IPCEF1: variants seen among roughly 807,000 people sequenced by gnomAD.
The protein encoded by IPCEF1 is interactor protein for cytohesin exchange factors 1.
A neutral mutation model predicts 50.9 loss-of-function variants in IPCEF1; 31 were observed. The ratio of observed to expected loss-of-function variants is 0.61; its 90% CI spans 0.46 to 0.82. The LOEUF is 0.82. Ranked by LOEUF, IPCEF1 falls within the 40% of genes least tolerant of loss-of-function variation. The pLI is 0.00. For synonymous variants in IPCEF1, 181 were observed against 192.0 expected, an observed-to-expected ratio of 0.94 and a Z score of 0.47; for missense variants, 458 against 514.0, an observed-to-expected ratio of 0.89 and a Z score of 1.05.
intron 1 of IPCEF1, among the ~76,000 whole-genome samples, chr6:154,336,555 A>G (rs1037111919): frequency 6.6e-6 from 1 of 152,168 alleles, no homozygotes; most frequent in Non-Finnish European, 1.5e-5. Flanking sequence ...AGATTGGTCA[A>G]TGGATACAAA....
intron 7 of IPCEF1, chr6:154,217,120 C>A: frequency 6.1e-6 from 1 of 163,502 alleles, no homozygotes; most frequent in Non-Finnish European, 1.4e-5. Context: ...TCCAGCCTTC[C>A]AAGGGTGGAG....
In IPCEF1 at chr6:154,263,239, T is replaced by TTC. The variant is rs1001207189; in HGVS notation, c.36+2672_36+2673insGA. Among the ~76,000 whole-genome samples the TTC allele has an allele frequency of 1.3e-4, 19 of 151,554 alleles. No homozygotes were observed. The East Asian group carries it at 2.9e-3, about 23-fold the overall frequency. ...CATCCTGTAAATGAGTCTTTTTTTT[T>TTC]TAAATTTATTTATTTATTTTTTTTA... On this transcript the variant is annotated intron_variant, in intron 3 of 11. Transcript: ENST00000367220.
rs1779962026 is a variant in IPCEF1 at position 154,234,498 on chromosome 6, C to G, written c.247-11255G>C. ...CTAAACCAGGATGCTATTCCCCTTG[C>G]AGAAAACATTCCCTGCCATGAACAG... On this transcript the variant is annotated intron_variant, in intron 5 of 11. Coordinates refer to ENST00000367220, the MANE Select transcript of IPCEF1 (RefSeq NM_001130700.2). Among the ~76,000 whole-genome samples the G allele has an allele frequency of 2.6e-5, 4 of 152,192 alleles. 1 individual carries two copies. In the South Asian group the frequency reaches 8.3e-4, roughly 31 times the overall value.
Position 154,319,672 on chromosome 6 carries a change from G to A in IPCEF1, c.-61-29916C>T, listed in dbSNP as rs1050567925. 2.0e-5 allele frequency among the ~76,000 whole-genome samples: 3 copies of A among 152,274 alleles called. No homozygotes were observed. In the South Asian group the frequency reaches 6.2e-4, roughly 32 times the overall value. The stretch of plus-strand genomic sequence containing the variant: ...GAAGCACAAAATTAAATTGAGACGC[G>A]AAGCGGGGAAACATCTTATTTAAAT... On this transcript the variant is annotated intron_variant, in intron 1 of 11. Coordinates refer to ENST00000367220, the MANE Select transcript of IPCEF1 (RefSeq NM_001130700.2).
At chr6:154,272,433 AG>A (rs1231100439) in intron 2 of IPCEF1, among the ~76,000 whole-genome samples, 1 of 152,260 alleles carries the variant, frequency 6.6e-6, no homozygotes, top group African/African-American at 2.4e-5. Context: ...TTAAGGGAAT[AG>A]TTATCTCAGT....
chr6:154,207,994 T>C (rs1207496452), intron 9 of IPCEF1, among the ~76,000 whole-genome samples: 1 of 152,238 alleles, frequency 6.6e-6, no homozygotes, highest in African/African-American at 2.4e-5. Context: ...CGCTGCCATC[T>C]TTTGCAATAG....
chr6:154,318,770 T>G (rs1783295735), intron 1 of IPCEF1, among the ~76,000 whole-genome samples: 1 of 150,946 alleles, frequency 6.6e-6, no homozygotes, highest in Non-Finnish European at 1.5e-5. Context: ...CTATACAACA[T>G]GCACCCAATG....
At chr6:154,285,407 G>T (rs902090179) in intron 2 of IPCEF1, among the ~76,000 whole-genome samples, 15 of 152,250 alleles carry the variant, frequency 9.9e-5, no homozygotes, top group African/African-American at 3.1e-4. Flanking sequence ...AAGATTTAGA[G>T]ATTTTCAGTT....
At chr6:154,229,484 G>A (rs1450720922) in intron 5 of IPCEF1, among the ~76,000 whole-genome samples, 1 of 151,324 alleles carries the variant, frequency 6.6e-6, no homozygotes, top group South Asian at 2.1e-4. Context: ...CGAGTAGCTG[G>A]GACTACAGGC....
intron 11 of IPCEF1, among the ~76,000 whole-genome samples, chr6:154,167,023 T>G (rs1799493933): frequency 6.6e-6 from 1 of 152,224 alleles, no homozygotes; most frequent in Non-Finnish European, 1.5e-5. Flanking sequence ...ACTGACTAAC[T>G]GGGACGCCTA....
intron 10 of IPCEF1, among the ~76,000 whole-genome samples, chr6:154,189,141 T>A (rs1265523507): frequency 6.6e-6 from 1 of 152,100 alleles, no homozygotes; most frequent in South Asian, 2.1e-4. Flanking sequence ...AAAACACCTA[T>A]AAAGGTATGG....
At chr6:154,209,672 AT>A (rs1161779702) in intron 9 of IPCEF1, among the ~76,000 whole-genome samples, 4 of 150,860 alleles carry the variant, frequency 2.7e-5, no homozygotes, top group Non-Finnish European at 4.4e-5. Flanking sequence ...GTTACTATAT[AT>A]TTTTTTTATT....
At chr6:154,323,909 T>C (rs1562289521) in intron 1 of IPCEF1, among the ~76,000 whole-genome samples, 1 of 152,180 alleles carries the variant, frequency 6.6e-6, no homozygotes, top group Non-Finnish European at 1.5e-5. Flanking sequence ...GCCAAGGTCG[T>C]GCCATTGCAC....
At chr6:154,229,475 G>A (rs1583855598) in intron 5 of IPCEF1, among the ~76,000 whole-genome samples, 2 of 149,176 alleles carry the variant, frequency 1.3e-5, no homozygotes, top group African/African-American at 4.9e-5. Flanking sequence ...TCAGCCTCCC[G>A]AGTAGCTGGG....
chr6:154,318,975 C>T (rs1783302516), intron 1 of IPCEF1, among the ~76,000 whole-genome samples: 1 of 152,150 alleles, frequency 6.6e-6, no homozygotes, highest in African/African-American at 2.4e-5. Flanking sequence ...TATGTGCTGA[C>T]TTTAGAACCT....
intron 1 of IPCEF1, among the ~76,000 whole-genome samples, chr6:154,303,481 T>C (rs935601542): frequency 1.3e-5 from 2 of 152,186 alleles, no homozygotes; most frequent in African/African-American, 4.8e-5. Context: ...GCAAAACCTC[T>C]CCAATTTTAA....
rs1000807167 is a variant in IPCEF1 at position 154,300,119 on chromosome 6, G to A, written c.-61-10363C>T. Among the ~76,000 whole-genome samples, 2 of 141,386 alleles carry A rather than the reference G, an allele frequency of 1.4e-5. 1 individual carries two copies. Among genetic ancestry groups the A allele is most frequent in the African/African-American group, 5.1e-5 (2 of 39,584 alleles). 92.8% of individuals were successfully genotyped at this position (141,386 alleles called of 152,430 possible). A position where few individuals can be genotyped will look rare whatever the true frequency, so the allele number is the denominator to read the frequency against. The stretch of plus-strand genomic sequence containing the variant: ...TTTTGTCTTCCCTCCCAAAAGGAAA[G>A]AACAATTACTTTACAACTTCATGAA... On this transcript the variant is annotated intron_variant, in intron 1 of 11. Coordinates refer to ENST00000367220, the MANE Select transcript of IPCEF1 (RefSeq NM_001130700.2).
At chr6:154,303,017 A>T (rs1164269325) in intron 1 of IPCEF1, among the ~76,000 whole-genome samples, 31 of 152,042 alleles carry the variant, frequency 2.0e-4, no homozygotes, top group Non-Finnish European at 7.4e-5. Flanking sequence ...GTTGACCAGC[A>T]ACCCAACAGC....
At chr6:154,188,727 G>A (rs1801600560) in intron 10 of IPCEF1, among the ~76,000 whole-genome samples, 1 of 152,226 alleles carries the variant, frequency 6.6e-6, no homozygotes, top group South Asian at 2.1e-4. Context: ...CGATTCATGA[G>A]AAAGATGACA....
Sources: allele counts gnomAD v4.1 joint callset (sites outside exome capture counted in the v4.1 genomes callset), GRCh38; gene constraint gnomAD v4.1.1; transcripts MANE v1.5; gene names NCBI Gene and HGNC (gene_info 2026-07-23, HGNC 2026-07-21).